Variants in CELF2 observed in about 807,000 individuals in gnomAD.
CELF2 encodes CUG triplet repeat RNA-binding protein 2.
CELF2 carries 8 observed loss-of-function variants against 62.6 expected under a neutral mutation model. The observed-to-expected ratio is 0.13, with a 90% confidence interval of 0.07 to 0.23. CELF2 has a LOEUF of 0.23. CELF2 is among the 10% of genes least tolerant of loss of function. The pLI, the probability that CELF2 is intolerant of heterozygous loss-of-function variation, is 1.00. For missense variants in CELF2, 333 were observed against 671.0 expected (o/e 0.50, Z 5.56); for synonymous variants, 258 against 250.0 (o/e 1.03, Z -0.30).
intron 2 of CELF2, among the ~76,000 whole-genome samples, chr10:11,192,248 G>A (rs2076442885): frequency 6.6e-6 from 1 of 152,252 alleles, no homozygotes; most frequent in Non-Finnish European, 1.5e-5. Context: ...GGCCTCCCGA[G>A]TGAGCATCCC....
intron 1 of CELF2, among the ~76,000 whole-genome samples, chr10:10,850,298 T>G (rs967433281): frequency 3.3e-5 from 5 of 152,208 alleles, no homozygotes; most frequent in Non-Finnish European, 7.3e-5. Context: ...GTGGCAGGAT[T>G]TTCTCCAGTA....
At chr10:10,656,629 C>A in the CELF2 span, among the ~76,000 whole-genome samples, 4 of 123,384 alleles carry the variant, frequency 3.2e-5, no homozygotes, top group African/African-American at 1.2e-4. Context: ...GAACAAAAAA[C>A]CAAACAGCGC....
the CELF2 span, among the ~76,000 whole-genome samples, chr10:10,523,776 T>A: frequency 6.6e-6 from 1 of 152,188 alleles, no homozygotes; most frequent in Non-Finnish European, 1.5e-5. Context: ...AAGTGCAATG[T>A]CAGTGGTTGG....
the CELF2 span, among the ~76,000 whole-genome samples, chr10:10,728,728 G>T: frequency 6.6e-6 from 1 of 152,202 alleles, no homozygotes; most frequent in Non-Finnish European, 1.5e-5. Flanking sequence ...CTGGTATACA[G>T]TGGTAATGTA....
chr10:11,172,768 G>A (rs1160664234), intron 2 of CELF2, among the ~76,000 whole-genome samples: 1 of 152,184 alleles, frequency 6.6e-6, no homozygotes, highest in African/African-American at 2.4e-5. Flanking sequence ...ACTCCTGGCC[G>A]CTTTTAACCA....
the CELF2 span, among the ~76,000 whole-genome samples, chr10:10,576,035 T>A: frequency 6.6e-6 from 1 of 152,178 alleles, no homozygotes; most frequent in Non-Finnish European, 1.5e-5. Context: ...GGTTTTGCAT[T>A]CAGAATCTTT....
At chr10:10,587,117 G>A in the CELF2 span, among the ~76,000 whole-genome samples, 1 of 152,120 alleles carries the variant, frequency 6.6e-6, no homozygotes. Context: ...TAACCACTTT[G>A]TCATGCTACT....
At chr10:11,137,074 A>G (rs1024137343) in intron 1 of CELF2, among the ~76,000 whole-genome samples, 2 of 152,266 alleles carry the variant, frequency 1.3e-5, no homozygotes, top group Admixed American at 6.5e-5. Context: ...GTAAGATTAT[A>G]TATGTATATA....
intron 1 of CELF2, among the ~76,000 whole-genome samples, chr10:10,857,417 T>G (rs1459535075): frequency 6.6e-6 from 1 of 151,846 alleles, no homozygotes; most frequent in East Asian, 1.9e-4. Context: ...GAGTAAAGGC[T>G]AATGTAGAAT....
rs185829498 is a variant in CELF2, at chr10:11,255,005, G to C, written c.404-2733G>C. The stretch of plus-strand genomic sequence containing the variant: ...CCCACCAGAATCCTCCCATGTTAGT[G>C]AGCACAGGCGGTGTAGACGGCCTGC... On this transcript the variant is annotated intron_variant, in intron 4 of 12. Transcript: ENST00000633077. The surrounding 1 kb of genome is among the most constrained non-coding windows in gnomAD (Gnocchi z 5.5). 4.0e-3 allele frequency among the ~76,000 whole-genome samples: 612 copies of C among 152,248 alleles called. 7 individuals carry two copies. The highest frequency in any genetic ancestry group is 0.014 in the African/African-American group (594 of 41,542).
chr10:11,300,002 G>T lies in CELF2; in HGVS notation c.976+11450G>T, dbSNP rs966386562. 6.6e-6 allele frequency among the ~76,000 whole-genome samples: 1 copy of T among 152,170 alleles called. No individual in the cohort carries two copies. The highest frequency in any genetic ancestry group is 6.5e-5 in the Admixed American group (1 of 15,282). On this transcript the variant is annotated intron_variant, in intron 9 of 12. Transcript: ENST00000633077. The surrounding 1 kb of genome is among the most constrained non-coding windows in gnomAD (Gnocchi z 5.5). The stretch of plus-strand genomic sequence containing the variant: ...TCCCTGTGTACTGCCTGTATGAATG[G>T]ACTCTTCCAAACTCATGGCCCCACA...
chr10:10,463,034 C>G, the CELF2 span, among the ~76,000 whole-genome samples: 52,585 of 151,818 alleles, frequency 0.35, 9,855 homozygotes, highest in Admixed American at 0.43. Context: ...AATGATGAAA[C>G]TTTTTTTTAA....
At chr10:11,051,887 A>G (rs898905680) in intron 1 of CELF2, among the ~76,000 whole-genome samples, 1 of 145,726 alleles carries the variant, frequency 6.9e-6, no homozygotes, top group Non-Finnish European at 1.5e-5. Context: ...TTGTGTGTGT[A>G]TGTATTGTTA....
chr10:10,697,565 A>G, the CELF2 span, among the ~76,000 whole-genome samples: 6 of 152,240 alleles, frequency 3.9e-5, no homozygotes, highest in African/African-American at 1.4e-4. Context: ...GAGGCTGGGA[A>G]GTCTGAGGTC....
At chr10:10,586,211 A>G in the CELF2 span, among the ~76,000 whole-genome samples, 4 of 152,214 alleles carry the variant, frequency 2.6e-5, no homozygotes, top group Non-Finnish European at 4.4e-5. Context: ...CTCCCTTGAG[A>G]CAATAACTTG....
the CELF2 span, among the ~76,000 whole-genome samples, chr10:10,495,022 A>T: frequency 1.3e-5 from 2 of 152,180 alleles, no homozygotes; most frequent in African/African-American, 4.8e-5. Flanking sequence ...CATGCCTGCA[A>T]TCCCAGCACT....
chr10:11,197,025 A>AAGGAAGGAAGGAAGGAAGGAAGGAAGG (rs1554936316), intron 2 of CELF2, among the ~76,000 whole-genome samples: 1,182 of 26,118 alleles, frequency 0.045, 207 homozygotes, highest in Middle Eastern at 0.091. Context: ...AGAAAGAAAG[A>AAGGAAGGAAGGAAGGAAGGAAGGAAGG]AAAGAAAGAA....
At chr10:10,623,302 G>A in the CELF2 span, among the ~76,000 whole-genome samples, 5 of 151,930 alleles carry the variant, frequency 3.3e-5, no homozygotes, top group South Asian at 4.2e-4. Flanking sequence ...ATAAACATGC[G>A]TCCAAAAAGT....
intron 1 of CELF2, among the ~76,000 whole-genome samples, chr10:11,026,728 C>A (rs906151796): frequency 2.0e-5 from 3 of 152,154 alleles, no homozygotes; most frequent in Non-Finnish European, 2.9e-5. Context: ...TTATCCTTTT[C>A]CTGAGCGGCT....
Sources: allele counts gnomAD v4.1 joint callset (sites outside exome capture counted in the v4.1 genomes callset), GRCh38; gene constraint gnomAD v4.1.1; non-coding constraint Gnocchi (gnomAD v3.1); transcripts MANE v1.5; gene names NCBI Gene and HGNC (gene_info 2026-07-23, HGNC 2026-07-21).